ATP10B: variants seen among roughly 807,000 people sequenced by gnomAD.
ATP10B encodes the protein phospholipid-transporting ATPase VB.
A neutral mutation model predicts 141.2 loss-of-function variants in ATP10B; 122 were observed. The ratio of observed to expected loss-of-function variants is 0.86; its 90% CI spans 0.75 to 1.00. The LOEUF (loss-of-function observed/expected upper bound fraction) is 1.00. Ranked by LOEUF, ATP10B falls within the 50% of genes least tolerant of loss-of-function variation. The pLI is 0.00. For synonymous variants in ATP10B, 685 were observed against 692.0 expected (o/e 0.99, Z 0.16); for missense variants, 1,876 against 1,825.3 (o/e 1.03, Z -0.51).
chr5:160,687,520 T>C (rs1362914934), intron 5 of ATP10B, among the ~76,000 whole-genome samples: 2 of 152,160 alleles, frequency 1.3e-5, no homozygotes, highest in Non-Finnish European at 2.9e-5. Context: ...TCCCATCTCT[T>C]TGGGAGGTTG....
chr5:160,671,826 A>T (rs944347811), intron 6 of ATP10B, among the ~76,000 whole-genome samples: 2 of 152,074 alleles, frequency 1.3e-5, no homozygotes, highest in African/African-American at 4.8e-5. Context: ...TCAAAGTCTC[A>T]CAAAAACAGA....
intron 7 of ATP10B, among the ~76,000 whole-genome samples, chr5:160,653,410 CA>C: frequency 4.3e-5 from 1 of 23,106 alleles, no homozygotes; most frequent in South Asian, 1.5e-3. Flanking sequence ...TACATACATA[CA>C]TAGGTAGTAT....
chr5:160,733,549 G>A (rs534690016), intron 2 of ATP10B, among the ~76,000 whole-genome samples: 1 of 152,002 alleles, frequency 6.6e-6, no homozygotes, highest in South Asian at 2.1e-4. Flanking sequence ...GCAAATGAGA[G>A]GGGTCAGAGA....
chr5:160,756,953 T>G (rs1053421276), intron 2 of ATP10B, among the ~76,000 whole-genome samples: 1 of 152,226 alleles, frequency 6.6e-6, no homozygotes, highest in Non-Finnish European at 1.5e-5. Flanking sequence ...TTTGATTTTA[T>G]GAAATTCAAA....
At chr5:160,598,412 A>G (rs1314580722) in intron 22 of ATP10B, among the ~76,000 whole-genome samples, 1 of 152,078 alleles carries the variant, frequency 6.6e-6, no homozygotes, top group Non-Finnish European at 1.5e-5. Context: ...AGGGAGGGAT[A>G]GCATTAGGAG....
chr5:160,897,262 T>C, the ATP10B span, among the ~76,000 whole-genome samples: 1 of 152,242 alleles, frequency 6.6e-6, no homozygotes, highest in Non-Finnish European at 1.5e-5. Context: ...TGTCTCTGTT[T>C]GCAGATGACA....
chr5:160,567,683 G>A (rs1754626444), intron 25 of ATP10B, among the ~76,000 whole-genome samples: 1 of 152,122 alleles, frequency 6.6e-6, no homozygotes, highest in Non-Finnish European at 1.5e-5. Flanking sequence ...AGCTTGGGGA[G>A]TGATAAGAGT....
At chr5:160,700,056 A>G (rs773845445) in intron 3 of ATP10B, among the ~76,000 whole-genome samples, 1 of 152,164 alleles carries the variant, frequency 6.6e-6, no homozygotes, top group Non-Finnish European at 1.5e-5. Flanking sequence ...AAGGGAAATG[A>G]TTAAAGAAAA....
At chr5:160,729,457 C>A (rs984859571) in intron 2 of ATP10B, among the ~76,000 whole-genome samples, 1 of 152,126 alleles carries the variant, frequency 6.6e-6, no homozygotes, top group Non-Finnish European at 1.5e-5. Flanking sequence ...ATGACAGATG[C>A]CTGCCCCTCT....
chr5:160,724,274 T>TTTAA (rs1415672133), intron 2 of ATP10B, among the ~76,000 whole-genome samples: 1 of 133,686 alleles, frequency 7.5e-6, no homozygotes. Context: ...TTTTTTTTTT[T>TTTAA]AGAGACAGAG....
chr5:160,916,030 A>G, the ATP10B span, among the ~76,000 whole-genome samples: 1 of 152,212 alleles, frequency 6.6e-6, no homozygotes, highest in African/African-American at 2.4e-5. Flanking sequence ...CCATAGAAAC[A>G]GGGAGTAGGA....
At chr5:160,742,567 T>C (rs975641186) in intron 2 of ATP10B, among the ~76,000 whole-genome samples, 4 of 152,210 alleles carry the variant, frequency 2.6e-5, no homozygotes, top group African/African-American at 9.6e-5. Context: ...TGCTTTTCAC[T>C]TGCTGAGCAA....
chr5:160,873,535 G>A, the ATP10B span, among the ~76,000 whole-genome samples: 1 of 152,254 alleles, frequency 6.6e-6, no homozygotes, highest in African/African-American at 2.4e-5. Flanking sequence ...GAGGAGCCAA[G>A]TTGGCCGAAT....
the ATP10B span, among the ~76,000 whole-genome samples, chr5:160,918,917 A>G: frequency 6.6e-6 from 1 of 152,158 alleles, no homozygotes; most frequent in East Asian, 1.9e-4. Context: ...TAGTGTTACT[A>G]TGAGGGACAG....
chr5:160,861,682 T>C, the ATP10B span, among the ~76,000 whole-genome samples: 3 of 151,886 alleles, frequency 2.0e-5, no homozygotes, highest in South Asian at 6.2e-4. Flanking sequence ...TTTTTTCTAT[T>C]GATAAGAAAA....
At chr5:160,851,727 A>G (rs1410732917) in intron 1 of ATP10B, among the ~76,000 whole-genome samples, 1 of 152,252 alleles carries the variant, frequency 6.6e-6, no homozygotes, top group African/African-American at 2.4e-5. Context: ...AGCATTTGCC[A>G]TCAGCTTATC....
the ATP10B span, among the ~76,000 whole-genome samples, chr5:160,913,266 G>A: frequency 1.2e-3 from 179 of 152,146 alleles, 1 homozygote; most frequent in African/African-American, 4.2e-3. Context: ...CAGTAGGACC[G>A]GCTGCTCCCT....
At chr5:160,745,319 A>C (rs1767737143) in intron 2 of ATP10B, among the ~76,000 whole-genome samples, 1 of 152,226 alleles carries the variant, frequency 6.6e-6, no homozygotes, top group South Asian at 2.1e-4. Flanking sequence ...ACTAAATATC[A>C]TTCAGTATTA....
At chr5:160,820,852 T>C (rs1774047749) in intron 1 of ATP10B, among the ~76,000 whole-genome samples, 1 of 152,054 alleles carries the variant, frequency 6.6e-6, no homozygotes, top group Non-Finnish European at 1.5e-5. Context: ...CCCTTTATGA[T>C]AAAAACCCTA....
Sources: allele counts gnomAD v4.1 joint callset (sites outside exome capture counted in the v4.1 genomes callset), GRCh38; gene constraint gnomAD v4.1.1; transcripts MANE v1.5; gene names NCBI Gene and HGNC (gene_info 2026-07-23, HGNC 2026-07-21).